TNIK: variants seen among roughly 807,000 people sequenced by gnomAD.
TNIK encodes the protein TRAF2 and NCK-interacting protein kinase.
In TNIK, 49 loss-of-function variants were observed where a neutral mutation model predicts 191.3. The observed-to-expected ratio is 0.26, with a 90% CI of 0.20 to 0.32. The LOEUF (loss-of-function observed/expected upper bound fraction) is 0.32, where lower values mean the gene tolerates loss of function less well. Among genes scored for constraint, TNIK ranks in the 10% least tolerant of loss-of-function variants. The probability of loss-of-function intolerance (pLI) is 1.00; values close to 1 mark genes in which losing one functional copy is unlikely to be tolerated. For synonymous variants in TNIK, 594 were observed against 600.9 expected (o/e 0.99, Z 0.17); for missense variants, 1,155 against 1,702.3 (o/e 0.68, Z 5.66).
intron 1 of TNIK, among the ~76,000 whole-genome samples, chr3:171,385,911 A>G (rs773088698): frequency 4.6e-5 from 7 of 152,198 alleles, no homozygotes; most frequent in Non-Finnish European, 1.0e-4. Context: ...GCGATAAAGA[A>G]TATAAGCCAG....
At chr3:171,127,957 A>C (rs6444963) in intron 16 of TNIK, among the ~76,000 whole-genome samples, 18,842 of 152,138 alleles carry the variant, frequency 0.12, 1,695 homozygotes, top group African/African-American at 0.25. Flanking sequence ...GGAATTCCTT[A>C]ATCTATTTCA....
chr3:171,163,143 C>T (rs1734217681), intron 10 of TNIK, among the ~76,000 whole-genome samples: 1 of 152,128 alleles, frequency 6.6e-6, no homozygotes, highest in African/African-American at 2.4e-5. Context: ...AGTTAGGTGC[C>T]TGGGTGTGAG....
At chr3:171,217,445 G>A (rs76769356) in intron 3 of TNIK, among the ~76,000 whole-genome samples, 2 of 151,908 alleles carry the variant, frequency 1.3e-5, no homozygotes, top group African/African-American at 4.8e-5. Context: ...TAGGTACTAT[G>A]GTCAGTACCT....
At chr3:171,434,344 G>T (rs1174530206) in intron 1 of TNIK, among the ~76,000 whole-genome samples, 3 of 152,092 alleles carry the variant, frequency 2.0e-5, no homozygotes, top group African/African-American at 7.2e-5. Flanking sequence ...TTGCTGAATT[G>T]TTATTGTTCT....
intron 21 of TNIK, among the ~76,000 whole-genome samples, chr3:171,105,457 G>A (rs1724650024): frequency 6.6e-6 from 1 of 152,208 alleles, no homozygotes; most frequent in South Asian, 2.1e-4. Flanking sequence ...GGAGGAATCA[G>A]CCGTGGTTGA....
chr3:171,161,373 A>G (rs758607117), intron 10 of TNIK, 37 bp from the exon 11 acceptor site: 2 of 1,598,500 alleles, frequency 1.3e-6, no homozygotes, highest in South Asian at 2.2e-5. Context: ...GCACAAAAAG[A>G]TGCTATGGCT....
intron 1 of TNIK, among the ~76,000 whole-genome samples, chr3:171,443,648 A>G (rs1463645942): frequency 6.7e-6 from 1 of 150,144 alleles, no homozygotes; most frequent in African/African-American, 2.5e-5. Flanking sequence ...GAGACCCCCC[A>G]TCTCTACAAA....
intron 15 of TNIK, among the ~76,000 whole-genome samples, chr3:171,137,811 T>G (rs1310515042): frequency 6.6e-6 from 1 of 152,168 alleles, no homozygotes; most frequent in East Asian, 1.9e-4. Flanking sequence ...AGGAACTGAT[T>G]CTTCCTAGAA....
At chr3:171,327,927 A>T (rs992522959) in intron 2 of TNIK, among the ~76,000 whole-genome samples, 1 of 127,798 alleles carries the variant, frequency 7.8e-6, no homozygotes, top group Non-Finnish European at 1.6e-5. Context: ...AAAAAAAAAA[A>T]AAAATCACTT....
chr3:171,112,727 C>T (rs1726032157), intron 18 of TNIK, among the ~76,000 whole-genome samples: 1 of 151,272 alleles, frequency 6.6e-6, no homozygotes, highest in Non-Finnish European at 1.5e-5. Flanking sequence ...AGTGTATATT[C>T]AGTTTTGCAT....
intron 1 of TNIK, among the ~76,000 whole-genome samples, chr3:171,425,099 G>A (rs1389008889): frequency 6.6e-6 from 1 of 152,050 alleles, no homozygotes; most frequent in Non-Finnish European, 1.5e-5. Context: ...CTGGTATGTT[G>A]CATTTATATG....
At chr3:171,135,256 G>T (rs1287863611) in intron 15 of TNIK, among the ~76,000 whole-genome samples, 1 of 152,192 alleles carries the variant, frequency 6.6e-6, no homozygotes, top group Non-Finnish European at 1.5e-5. Flanking sequence ...TATGAGAAAA[G>T]ACATCTGTAA....
In TNIK at chr3:171,312,996, G is replaced by A. The variant is rs574447486; in HGVS notation, c.123+56624C>T. Among the ~76,000 whole-genome samples, 71 of 151,862 alleles carry A rather than the reference G, an allele frequency of 4.7e-4. 1 individual carries two copies. Among genetic ancestry groups the A allele is most frequent in the African/African-American group, 1.5e-3 (60 of 41,318 alleles). On this transcript the variant is annotated intron_variant, in intron 2 of 32. Coordinates refer to ENST00000436636, the MANE Select transcript of TNIK (RefSeq NM_015028.4). ...TGCTTAACTTCTCCACGTGGATCTC[G>A]CATCCTCCCAGGGTGCTACGCCGAA...
rs1196212405 is a variant in TNIK, at chr3:171,159,296, T to C, written c.1017-1632A>G. Among the ~76,000 whole-genome samples, 2 of 151,750 alleles carry C rather than the reference T, an allele frequency of 1.3e-5. No individual in the cohort carries two copies. Among genetic ancestry groups the C allele is most frequent in the African/African-American group, 4.8e-5 (2 of 41,294 alleles). Reference sequence around the variant, plus strand: ...TGAGGGATGACTTGCAGGTTCTGTCTTGGTGGCTGGGTGACGGTGGTAACG... The same window carrying C: ...TGAGGGATGACTTGCAGGTTCTGTCCTGGTGGCTGGGTGACGGTGGTAACG... On this transcript the variant is annotated intron_variant, in intron 11 of 32. Transcript: ENST00000436636. This position sits in a 1 kb window ranked among gnomAD's most constrained non-coding sequence, Gnocchi z 4.1.
At chr3:171,236,217 A>T (rs1744247707) in intron 2 of TNIK, among the ~76,000 whole-genome samples, 1 of 152,192 alleles carries the variant, frequency 6.6e-6, no homozygotes, top group African/African-American at 2.4e-5. Context: ...AATCACAATG[A>T]ACAGAGATTC....
chr3:171,421,487 CCT>C (rs1723790414), intron 1 of TNIK, among the ~76,000 whole-genome samples: 3 of 152,186 alleles, frequency 2.0e-5, no homozygotes, highest in African/African-American at 7.2e-5. Context: ...TACATACTTT[CCT>C]TCTGAAGTCA....
chr3:171,234,396 C>T (rs1423301624), intron 2 of TNIK, among the ~76,000 whole-genome samples: 5 of 152,220 alleles, frequency 3.3e-5, no homozygotes, highest in Non-Finnish European at 4.4e-5. Flanking sequence ...GTAATTCAGA[C>T]TTTATGGCTC....
At chr3:171,262,107 G>A (rs1310588883) in intron 2 of TNIK, among the ~76,000 whole-genome samples, 1 of 152,220 alleles carries the variant, frequency 6.6e-6, no homozygotes, top group Non-Finnish European at 1.5e-5. Context: ...CTCCAAGGGA[G>A]TTTTCACAAC....
chr3:171,167,260 AT>A lies in TNIK; in HGVS notation c.783del (p.Lys261AsnfsTer11). 6.2e-7 allele frequency: 1 copy of A among 1,612,000 alleles called. No individual in the cohort carries two copies. ...PRLKSKKWSK[K>X]FQSFIESCLV... ...AAGCAGCTCTCAATAAATGACTGGAATTTTTTTGACCTGCCAAACAAAAGAA... is the reference window on the plus strand; with the variant it reads ...AAGCAGCTCTCAATAAATGACTGGAATTTTTTGACCTGCCAAACAAAAGAA... On this transcript the variant is annotated frameshift_variant, in exon 10 of 33. Coordinates refer to ENST00000436636, the MANE Select transcript of TNIK (RefSeq NM_015028.4). LOFTEE classifies it high-confidence loss of function.
Sources: allele counts gnomAD v4.1 joint callset (sites outside exome capture counted in the v4.1 genomes callset), GRCh38; gene constraint gnomAD v4.1.1; non-coding constraint Gnocchi (gnomAD v3.1); transcripts MANE v1.5; gene names NCBI Gene and HGNC (gene_info 2026-07-23, HGNC 2026-07-21).